The following EYA1 variants were observed in gnomAD, a reference collection of about 807,000 sequenced individuals.
EYA1 encodes protein phosphatase EYA1.
A neutral mutation model predicts 82.0 loss-of-function variants in EYA1; 16 were observed. That is an observed-to-expected ratio of 0.20 (90% confidence interval 0.13 to 0.30). The LOEUF (loss-of-function observed/expected upper bound fraction) is 0.30, where lower values mean the gene tolerates loss of function less well. EYA1 is among the 10% of genes least tolerant of loss of function. The pLI is 1.00. For synonymous variants in EYA1, 261 were observed against 264.4 expected, an observed-to-expected ratio of 0.99 and a Z score of 0.12; for missense variants, 633 against 730.7, an observed-to-expected ratio of 0.87 and a Z score of 1.54.
chr8:71,245,058 G>A (rs1812912813), intron 11 of EYA1, among the ~76,000 whole-genome samples: 1 of 152,028 alleles, frequency 6.6e-6, no homozygotes, highest in African/African-American at 2.4e-5. Flanking sequence ...GTTATGTTAC[G>A]CCACAATCCA....
intron 11 of EYA1, among the ~76,000 whole-genome samples, chr8:71,252,572 G>A (rs551451121): frequency 5.9e-5 from 9 of 152,190 alleles, no homozygotes; most frequent in South Asian, 2.1e-4. Context: ...TAAACTAGAC[G>A]ATGCAACATG....
Position 71,517,515 on chromosome 8 carries a change from A to G in EYA1, c.33+18229T>C, listed in dbSNP as rs565862870. On this transcript the variant is annotated intron_variant, in intron 2 of 18. Coordinates refer to the EYA1 transcript ENST00000643681. ...ACAAATCTATGAATGCTGAAAAAAT[A>G]GTTATCATAAGGTTCATTAACACAG... Among the ~76,000 whole-genome samples, 120 of 152,062 alleles carry G rather than the reference A, an allele frequency of 7.9e-4. No individual in the cohort carries two copies. The South Asian group carries it at 0.024, about 31-fold the overall frequency.
rs1334427765 is a variant in EYA1 at position 71,361,809 on chromosome 8, C to G, written c.-217G>C. 1.0e-6 allele frequency: 1 copy of G among 985,490 alleles called. No individual in the cohort carries two copies. Among genetic ancestry groups the G allele is most frequent in the African/African-American group, 1.7e-5 (1 of 57,366 alleles). 61.0% of individuals were successfully genotyped at this position (985,490 alleles called of 1,614,324 possible). ...CGCTTCTGGGAGTGGAGCGCCTCTG[C>G]AGGGGAAAGCTCGGCGCAGGGGGCA... On this transcript the variant is annotated 5_prime_UTR_variant, in exon 1 of 18. Transcript: ENST00000340726.
At chr8:71,321,339 G>A (rs188499577) in intron 6 of EYA1, among the ~76,000 whole-genome samples, 5 of 152,230 alleles carry the variant, frequency 3.3e-5, no homozygotes, top group Admixed American at 6.5e-5. Context: ...CTACTTGTAC[G>A]TTCCTAATCA....
rs77016224 is a variant in EYA1 at position 71,439,899 on chromosome 8, G to C, written c.34-83388C>G. On this transcript the variant is annotated intron_variant, in intron 2 of 18. Coordinates refer to the EYA1 transcript ENST00000643681. ...TAATTATGAGCAATAAATGTGTTCAGACACTTAAAACACCTAGACTGCGGC... is the reference window on the plus strand; with the variant it reads ...TAATTATGAGCAATAAATGTGTTCACACACTTAAAACACCTAGACTGCGGC... Among the ~76,000 whole-genome samples the C allele has an allele frequency of 3.1e-4, 47 of 152,238 alleles. No homozygotes were observed. The East Asian group carries it at 8.9e-3, about 29-fold the overall frequency.
chr8:71,425,389 TTAAAGA>T (rs1175866813), intron 2 of EYA1, among the ~76,000 whole-genome samples: 1 of 152,206 alleles, frequency 6.6e-6, no homozygotes, highest in East Asian at 1.9e-4. Flanking sequence ...AATATAATTT[TTAAAGA>T]TAATGTATGC....
chr8:71,503,250 C>G (rs1811944898), intron 2 of EYA1, among the ~76,000 whole-genome samples: 1 of 152,106 alleles, frequency 6.6e-6, no homozygotes, highest in Non-Finnish European at 1.5e-5. Flanking sequence ...AATCCAGGCA[C>G]TTTGGGAGTC....
At chr8:71,311,866 C>T (rs1267339719) in intron 7 of EYA1, among the ~76,000 whole-genome samples, 2 of 152,176 alleles carry the variant, frequency 1.3e-5, no homozygotes, top group African/African-American at 2.4e-5. Context: ...AGAGCATGCA[C>T]GACGAAAATC....
At chr8:71,517,565 T>C (rs562559586) in intron 2 of EYA1, among the ~76,000 whole-genome samples, 13 of 151,786 alleles carry the variant, frequency 8.6e-5, no homozygotes, top group African/African-American at 3.1e-4. Context: ...TCAGCTACCT[T>C]TTACCCAGGT....
intron 8 of EYA1, 143 bp downstream of exon 8, chr8:71,299,495 A>G (rs1819959090): frequency 5.7e-6 from 4 of 706,088 alleles, no homozygotes; most frequent in South Asian, 5.0e-5. Flanking sequence ...ACTCACCACA[A>G]AAGACTGCTA....
At chr8:71,527,224 A>G (rs1813884297) in intron 2 of EYA1, among the ~76,000 whole-genome samples, 1 of 152,204 alleles carries the variant, frequency 6.6e-6, no homozygotes, top group African/African-American at 2.4e-5. Context: ...GAACTATGGA[A>G]CTAGATCACC....
At chr8:71,500,494 G>A (rs572964608) in intron 2 of EYA1, among the ~76,000 whole-genome samples, 3 of 152,010 alleles carry the variant, frequency 2.0e-5, no homozygotes, top group South Asian at 2.1e-4. Context: ...GTGGTGTTTC[G>A]GTGTTCCTCC....
intron 12 of EYA1, among the ~76,000 whole-genome samples, chr8:71,235,937 A>T (rs1811776006): frequency 6.6e-6 from 1 of 152,212 alleles, no homozygotes; most frequent in South Asian, 2.1e-4. Context: ...TTCATTTTGT[A>T]GACTGATCAC....
intron 2 of EYA1, among the ~76,000 whole-genome samples, chr8:71,397,001 G>A (rs2129121365): frequency 6.6e-6 from 1 of 152,334 alleles, no homozygotes; most frequent in African/African-American, 2.4e-5. Flanking sequence ...ATTTAGCATA[G>A]TTAGCTCTTC....
chr8:71,234,650 CTCT>C lies in EYA1; in HGVS notation c.1140+9950_1140+9952del, dbSNP rs371522728. ...CTACCATACAATTCTCTCTTCAAAG[CTCT>C]TCTTCTTGGCCCTATTTCTAATTGT... On this transcript the variant is annotated intron_variant, in intron 12 of 17. Coordinates refer to ENST00000340726, the MANE Select transcript of EYA1 (RefSeq NM_000503.6). 3.4e-3 allele frequency among the ~76,000 whole-genome samples: 517 copies of C among 152,212 alleles called. 2 individuals are homozygous for C. The highest frequency in any genetic ancestry group is 0.011 in the African/African-American group (476 of 41,542).
At chr8:71,242,295 T>C (rs1157780364) in intron 12 of EYA1, among the ~76,000 whole-genome samples, 1 of 152,156 alleles carries the variant, frequency 6.6e-6, no homozygotes, top group Non-Finnish European at 1.5e-5. Context: ...AGTAAACAAT[T>C]TCCAAAGACA....
intron 11 of EYA1, among the ~76,000 whole-genome samples, chr8:71,254,766 AAAG>A (rs1001148658): frequency 1.3e-5 from 2 of 152,170 alleles, no homozygotes; most frequent in Admixed American, 1.3e-4. Context: ...CAAAGTTGTA[AAAG>A]AAGAAGTAAA....
At chr8:71,379,397 G>A (rs554425562) in intron 2 of EYA1, among the ~76,000 whole-genome samples, 4 of 152,188 alleles carry the variant, frequency 2.6e-5, no homozygotes, top group Admixed American at 1.3e-4. Flanking sequence ...AATTACCCCA[G>A]GGAGAGGGAT....
At chr8:71,352,700 T>C (rs1411466416) in intron 3 of EYA1, among the ~76,000 whole-genome samples, 1 of 152,256 alleles carries the variant, frequency 6.6e-6, no homozygotes, top group African/African-American at 2.4e-5. Context: ...TTACCTAAAA[T>C]GTTTTAATAG....
Sources: gnomAD v4.1 joint callset for allele counts (sites outside exome capture counted in the v4.1 genomes callset) on GRCh38, gnomAD v4.1.1 for gene constraint, MANE v1.5 for transcripts, NCBI Gene and HGNC (gene_info 2026-07-23, HGNC 2026-07-21) for gene names.